Variants in ZRANB3 observed in about 807,000 individuals in gnomAD.
ZRANB3 encodes zinc finger RANBP2-type containing 3.
A neutral mutation model predicts 133.8 loss-of-function variants in ZRANB3; 125 were observed. The ratio of observed to expected loss-of-function variants is 0.93; its 90% CI spans 0.81 to 1.08. The LOEUF (loss-of-function observed/expected upper bound fraction) is 1.08, where lower values mean the gene tolerates loss of function less well. ZRANB3 is among the 50% of genes least tolerant of loss of function. The probability of loss-of-function intolerance (pLI) is 0.00; values close to 1 mark genes in which losing one functional copy is unlikely to be tolerated. For synonymous variants in ZRANB3, 387 were observed against 432.7 expected (o/e 0.89, Z 1.31); for missense variants, 1,229 against 1,275.5 (o/e 0.96, Z 0.56).
chr2:135,489,993 A>G (rs1692301692), intron 2 of ZRANB3, among the ~76,000 whole-genome samples: 1 of 152,190 alleles, frequency 6.6e-6, no homozygotes, highest in African/African-American at 2.4e-5. Flanking sequence ...CACGTCCAAG[A>G]AAAAGAGAAA....
At chr2:135,204,716 T>TTATTATATATTATTATAAATATATATTTA (rs1417707628) in intron 19 of ZRANB3, among the ~76,000 whole-genome samples, 3,473 of 145,098 alleles carry the variant, frequency 0.024, 131 homozygotes, top group African/African-American at 0.083. Flanking sequence ...ATTATATGTT[T>TTATTATATATTATTATAAATATATATTTA]TATTATATAT....
intron 2 of ZRANB3, among the ~76,000 whole-genome samples, chr2:135,409,193 T>G (rs527988571): frequency 1.3e-5 from 2 of 151,962 alleles, no homozygotes; most frequent in Admixed American, 1.3e-4. Context: ...GTCACACACT[T>G]TCAAACAACC....
chr2:135,401,398 G>A (rs374182368), intron 2 of ZRANB3, among the ~76,000 whole-genome samples: 4 of 152,176 alleles, frequency 2.6e-5, no homozygotes, highest in African/African-American at 4.8e-5. Flanking sequence ...ATCATCCCTC[G>A]ATAAAAACGG....
Position 135,230,557 on chromosome 2 carries a change from T to C in ZRANB3, c.1910A>G (p.Glu637Gly), listed in dbSNP as rs59900519. 3 of 1,567,794 alleles carry C rather than the reference T, an allele frequency of 1.9e-6. No homozygotes were observed. Among genetic ancestry groups the C allele is most frequent in the South Asian group, 2.5e-5 (2 of 80,776 alleles). Residue 637 changes from glutamate (E) to glycine (G), a missense_variant, in exon 13 of 21, where the codon GAG becomes GGG. By Grantham distance (98) the Glu-to-Gly change is moderately conservative. Coordinates refer to ENST00000264159, the MANE Select transcript of ZRANB3 (RefSeq NM_032143.4). ...CSLCTYINNSELPYCEMCETP... is the reference protein window; with the variant it reads ...CSLCTYINNSGLPYCEMCETP... ...CTCACACATTTCACAATAAGGTAAC[T>C]CTGAATTATTGATATAGGTGCAGAG...
chr2:135,301,116 T>C (rs1047426179), intron 8 of ZRANB3, among the ~76,000 whole-genome samples: 1 of 151,944 alleles, frequency 6.6e-6, no homozygotes, highest in Non-Finnish European at 1.5e-5. Context: ...GCTCAAGTGA[T>C]CCTTCCACCT....
intron 3 of ZRANB3, chr2:135,355,336 A>G (rs956898044): frequency 5.0e-6 from 4 of 798,962 alleles, no homozygotes; most frequent in Admixed American, 6.3e-5. Context: ...GTTCCAATAC[A>G]GCAGAACTTT....
At chr2:135,238,937 C>CTTG (rs1238037860) in intron 12 of ZRANB3, 1 of 152,144 alleles carries the variant, frequency 6.6e-6, no homozygotes, top group Non-Finnish European at 1.5e-5. Flanking sequence ...GGGTGTCTTC[C>CTTG]ATCAAGGGCC....
intron 2 of ZRANB3, among the ~76,000 whole-genome samples, chr2:135,391,100 C>T (rs914681463): frequency 6.6e-6 from 1 of 152,176 alleles, no homozygotes; most frequent in African/African-American, 2.4e-5. Context: ...ACCTCGTGAT[C>T]TGCTCGCCTC....
chr2:135,206,264 G>A (rs1279370952), intron 19 of ZRANB3, among the ~76,000 whole-genome samples: 1 of 150,100 alleles, frequency 6.7e-6, no homozygotes, highest in Non-Finnish European at 1.5e-5. Context: ...TTTGGAGACA[G>A]AGTCTTGCTC....
At chr2:135,288,211 T>C (rs1045162290) in intron 8 of ZRANB3, among the ~76,000 whole-genome samples, 1 of 152,236 alleles carries the variant, frequency 6.6e-6, no homozygotes, top group Non-Finnish European at 1.5e-5. Flanking sequence ...TTGTTTTTAA[T>C]TCTATTTAGG....
At position 135,290,245 on chromosome 2, in the gene ZRANB3, G is replaced by A. The variant is rs571425600; in HGVS notation, c.967-14490C>T. 2.2e-4 allele frequency among the ~76,000 whole-genome samples: 33 copies of A among 152,318 alleles called. No homozygotes were observed. In the South Asian group the frequency reaches 5.8e-3, roughly 27 times the overall value. ...TGGTCTATCTAACTTCTTAGGTATA[G>A]TAGTAATTGTTTCAAAAGTTTGGGA... is the stretch of plus-strand genomic sequence containing the variant. On this transcript the variant is annotated intron_variant, in intron 8 of 20. Transcript: ENST00000264159.
chr2:135,338,011 T>C (rs1447975532), intron 6 of ZRANB3, among the ~76,000 whole-genome samples: 2 of 152,182 alleles, frequency 1.3e-5, no homozygotes, highest in Admixed American at 1.3e-4. Flanking sequence ...ATCTAAAGTA[T>C]AAGAAATGCT....
intron 8 of ZRANB3, among the ~76,000 whole-genome samples, chr2:135,284,180 A>G (rs1211959664): frequency 6.6e-6 from 1 of 152,190 alleles, no homozygotes; most frequent in Non-Finnish European, 1.5e-5. Context: ...CTGTGCTTTA[A>G]TTTTCTCATC....
At chr2:135,505,872 A>C (rs747392232) in intron 1 of ZRANB3, among the ~76,000 whole-genome samples, 2 of 152,166 alleles carry the variant, frequency 1.3e-5, no homozygotes, top group Non-Finnish European at 2.9e-5. Flanking sequence ...AAGGATGATT[A>C]ATTATAATAT....
intron 8 of ZRANB3, among the ~76,000 whole-genome samples, chr2:135,312,146 ATTTTATTTTAT>A (rs1343368198): frequency 0.018 from 2,094 of 118,278 alleles, 60 homozygotes; most frequent in African/African-American, 0.096. Context: ...ATTTTATTTT[ATTTTATTTTAT>A]TTTTATTTTA....
Position 135,414,442 on chromosome 2 carries a change from C to T in ZRANB3, c.162-23622G>A, listed in dbSNP as rs149965836. Among the ~76,000 whole-genome samples, 455 of 152,032 alleles carry T rather than the reference C, an allele frequency of 3.0e-3. 2 individuals are homozygous for T. Among genetic ancestry groups the T allele is most frequent in the African/African-American group, 0.01 (430 of 41,500 alleles). ...ATATGCACCCAATACAGGAGCATCC[C>T]GATTCATAAAGCGAGTCCTGAGTGA... On this transcript the variant is annotated intron_variant, in intron 2 of 20. Coordinates refer to ENST00000264159, the MANE Select transcript of ZRANB3 (RefSeq NM_032143.4).
intron 6 of ZRANB3, among the ~76,000 whole-genome samples, chr2:135,338,402 GCCAGCTGGGTAATCACA>G (rs1684465782): frequency 6.6e-6 from 1 of 152,162 alleles, no homozygotes; most frequent in African/African-American, 2.4e-5. Flanking sequence ...TAAATCTCCA[GCCAGCTGGGTAATCACA>G]CTATGCTGAA....
intron 8 of ZRANB3, among the ~76,000 whole-genome samples, chr2:135,293,843 A>G (rs891748623): frequency 1.0e-4 from 15 of 150,510 alleles, no homozygotes; most frequent in Admixed American, 7.3e-4. Flanking sequence ...TTCTGCATCT[A>G]TTGAGATAAT....
At chr2:135,470,442 T>C (rs1691205604) in intron 2 of ZRANB3, among the ~76,000 whole-genome samples, 2 of 152,078 alleles carry the variant, frequency 1.3e-5, no homozygotes, top group Admixed American at 1.3e-4. Context: ...TCCCAGTACT[T>C]TGGGAGGCCG....
Sources: gnomAD v4.1 joint callset for allele counts (sites outside exome capture counted in the v4.1 genomes callset) on GRCh38, gnomAD v4.1.1 for gene constraint, MANE v1.5 for transcripts, NCBI Gene and HGNC (gene_info 2026-07-23, HGNC 2026-07-21) for gene names.